The following DCAF6 variants were observed in gnomAD, a reference collection of about 807,000 sequenced individuals.
The protein encoded by DCAF6 is DDB1 and CUL4 associated factor 6, also known as DDB1- and CUL4-associated factor 6.
DCAF6 carries 54 observed loss-of-function variants against 125.1 expected under a neutral mutation model. The observed-to-expected ratio is 0.43, with a 90% CI of 0.35 to 0.54. DCAF6 has a LOEUF of 0.54. Ranked by LOEUF, DCAF6 falls within the 20% of genes least tolerant of loss-of-function variation. The pLI is 0.01. For missense variants in DCAF6, 934 were observed against 1,161.7 expected (o/e 0.80, Z 2.85); for synonymous variants, 371 against 390.4 (o/e 0.95, Z 0.58).
At chr1:167,919,566 T>C in the DCAF6 span, among the ~76,000 whole-genome samples, 3 of 152,148 alleles carry the variant, frequency 2.0e-5, no homozygotes, top group African/African-American at 7.2e-5. Context: ...TACATAACAA[T>C]ACACTTAAGT....
chr1:168,054,978 G>A (rs763734493), intron 17 of DCAF6, among the ~76,000 whole-genome samples: 6 of 151,906 alleles, frequency 3.9e-5, no homozygotes, highest in Non-Finnish European at 8.8e-5. Context: ...CACCATGCCC[G>A]GCTAGTTTTT....
At chr1:167,977,389 C>T (rs1019202332) in intron 4 of DCAF6, among the ~76,000 whole-genome samples, 1 of 151,442 alleles carries the variant, frequency 6.6e-6, no homozygotes, top group Non-Finnish European at 1.5e-5. Flanking sequence ...TTGATAGTTA[C>T]TGTATTTCAG....
chr1:168,016,072 C>G, intron 11 of DCAF6, 121 bp downstream of exon 11: 1 of 831,080 alleles, frequency 1.2e-6, no homozygotes, highest in Non-Finnish European at 1.6e-6. Flanking sequence ...CAGCTTACCC[C>G]TCCTTTCCTT....
intron 1 of DCAF6, among the ~76,000 whole-genome samples, chr1:167,937,626 A>G (rs1671512408): frequency 6.6e-6 from 1 of 152,090 alleles, no homozygotes; most frequent in South Asian, 2.1e-4. Flanking sequence ...GTAGGGTTTC[A>G]CGTTCCTCTT....
upstream of DCAF6, among the ~76,000 whole-genome samples, chr1:167,935,055 CACAA>C (rs570764276): frequency 1.3e-4 from 20 of 152,198 alleles, no homozygotes; most frequent in East Asian, 3.9e-3. Flanking sequence ...CCGCGTATTA[CACAA>C]ACAGAGATCT....
intron 12 of DCAF6, among the ~76,000 whole-genome samples, chr1:168,027,943 A>G (rs1386084628): frequency 1.3e-5 from 2 of 152,118 alleles, no homozygotes; most frequent in Non-Finnish European, 2.9e-5. Flanking sequence ...TAGGGAAATA[A>G]ATGTATAACA....
At chr1:168,039,019 A>G (rs114101507) in intron 13 of DCAF6, among the ~76,000 whole-genome samples, 2,781 of 152,148 alleles carry the variant, frequency 0.018, 75 homozygotes, top group African/African-American at 0.063. Context: ...TAGTCCATCA[A>G]GTAGATGTTC....
At chr1:167,993,068 TCTGA>T (rs1356804808) in intron 6 of DCAF6, among the ~76,000 whole-genome samples, 154 bp from the exon 7 acceptor site, 2 of 152,194 alleles carry the variant, frequency 1.3e-5, no homozygotes, top group Non-Finnish European at 1.5e-5. Context: ...TGTTACAAAA[TCTGA>T]CTGCAGAGGA....
At chr1:167,955,813 T>C (rs970893205) in intron 2 of DCAF6, among the ~76,000 whole-genome samples, 9 of 152,178 alleles carry the variant, frequency 5.9e-5, no homozygotes, top group African/African-American at 2.2e-4. Flanking sequence ...CAGATTGGAG[T>C]GCAGTGGCAC....
intron 7 of DCAF6, among the ~76,000 whole-genome samples, chr1:167,995,352 A>G (rs1047916220): frequency 6.6e-6 from 1 of 152,156 alleles, no homozygotes; most frequent in Non-Finnish European, 1.5e-5. Flanking sequence ...TGCATTAACT[A>G]AATTAAGAAA....
chr1:167,879,684 A>G, the DCAF6 span, among the ~76,000 whole-genome samples: 3 of 152,340 alleles, frequency 2.0e-5, no homozygotes, highest in South Asian at 2.1e-4. Flanking sequence ...GATAGGATGG[A>G]AAAGGGAAGT....
chr1:167,954,831 C>T (rs1443776934), intron 2 of DCAF6, among the ~76,000 whole-genome samples: 1 of 152,184 alleles, frequency 6.6e-6, no homozygotes, highest in Non-Finnish European at 1.5e-5. Flanking sequence ...ATGTTTAACA[C>T]ATGTAAACAT....
At chr1:167,936,016 G>C (rs541071028), upstream of DCAF6, 67 of 614,780 alleles carry the variant, frequency 1.1e-4, no homozygotes, top group South Asian at 7.4e-4. Context: ...GCTGCGGCCC[G>C]CGCCCCGCGA....
chr1:168,057,031 G>T (rs1013367527), intron 17 of DCAF6, among the ~76,000 whole-genome samples: 13 of 152,002 alleles, frequency 8.6e-5, no homozygotes, highest in African/African-American at 3.1e-4. Flanking sequence ...AACCTTGTTT[G>T]GTAACTGAAT....
At chr1:167,954,488 T>G (rs12728655) in intron 2 of DCAF6, among the ~76,000 whole-genome samples, 31,374 of 151,770 alleles carry the variant, frequency 0.21, 3,873 homozygotes, top group Admixed American at 0.36. Flanking sequence ...AGTCTCGCTG[T>G]GCCACCCAGG....
chr1:167,899,240 C>T, the DCAF6 span, among the ~76,000 whole-genome samples: 1 of 152,202 alleles, frequency 6.6e-6, no homozygotes, highest in Non-Finnish European at 1.5e-5. Context: ...TCAAGCTCAC[C>T]AGCCTGGGCT....
At chr1:167,992,258 C>G (rs566747360) in intron 6 of DCAF6, among the ~76,000 whole-genome samples, 1 of 147,308 alleles carries the variant, frequency 6.8e-6, no homozygotes, top group African/African-American at 2.5e-5. Context: ...GGATTACACA[C>G]ACACACACAC....
chr1:167,981,666 A>G (rs1271082803), intron 4 of DCAF6, among the ~76,000 whole-genome samples: 7 of 152,182 alleles, frequency 4.6e-5, no homozygotes, highest in Non-Finnish European at 7.4e-5. Flanking sequence ...TTTGCTTAGG[A>G]TAATAGCCTC....
chr1:167,943,928 T>A lies in DCAF6; in HGVS notation c.97+6920T>A, dbSNP rs147194663. Among the ~76,000 whole-genome samples the A allele has an allele frequency of 3.5e-3, 522 of 149,474 alleles. 2 individuals are homozygous for A. The highest frequency in any genetic ancestry group is 0.012 in the African/African-American group (482 of 40,382). On this transcript the variant is annotated intron_variant, in intron 1 of 21. Coordinates refer to ENST00000367840, the MANE Select transcript of DCAF6 (RefSeq NM_001198956.2). Reference sequence around the variant, plus strand: ...ATCTCGGCTTACTGCAAGTTCCGCCTCCGAGGTTCACGCCATTCTCCTGCC... The same window carrying A: ...ATCTCGGCTTACTGCAAGTTCCGCCACCGAGGTTCACGCCATTCTCCTGCC...
Sources: allele counts gnomAD v4.1 joint callset (sites outside exome capture counted in the v4.1 genomes callset), GRCh38; gene constraint gnomAD v4.1.1; transcripts MANE v1.5; gene names NCBI Gene and HGNC (gene_info 2026-07-23, HGNC 2026-07-21).